Variants in TAB2 observed in about 807,000 individuals in gnomAD.
TAB2 encodes TGF-beta activated kinase 1 (MAP3K7) binding protein 2.
A neutral mutation model predicts 65.0 loss-of-function variants in TAB2; 3 were observed. That is an observed-to-expected ratio of 0.05 (90% CI 0.02 to 0.12). The LOEUF (loss-of-function observed/expected upper bound fraction) is 0.12, where lower values mean the gene tolerates loss of function less well. Ranked by LOEUF, TAB2 falls within the 10% of genes least tolerant of loss-of-function variation. The pLI is 1.00. For missense variants in TAB2, 623 were observed against 840.3 expected (o/e 0.74, Z 3.20); for synonymous variants, 298 against 285.1 (o/e 1.05, Z -0.46).
intron 1 of TAB2, among the ~76,000 whole-genome samples, chr6:149,324,727 G>A (rs935587382): frequency 6.6e-6 from 1 of 151,740 alleles, no homozygotes; most frequent in Non-Finnish European, 1.5e-5. Context: ...AGCAACTTTT[G>A]TTTAGTCAGA....
intron 1 of TAB2, among the ~76,000 whole-genome samples, chr6:149,335,859 T>G (rs1338108580): frequency 6.6e-6 from 1 of 152,068 alleles, no homozygotes; most frequent in African/African-American, 2.4e-5. Flanking sequence ...TTTTAGAGAT[T>G]TTATAGAGAT....
chr6:149,305,515 C>T (rs998769939), intron 1 of TAB2, among the ~76,000 whole-genome samples: 2 of 151,992 alleles, frequency 1.3e-5, no homozygotes, highest in African/African-American at 2.4e-5. Context: ...CTCAAATGTC[C>T]TGCCTGTTCT....
upstream of TAB2, chr6:149,317,587 A>AGAGC (rs1266150956): frequency 7.0e-6 from 1 of 143,392 alleles, no homozygotes; most frequent in Non-Finnish European, 1.5e-5. The surrounding 1 kb of genome is among the most constrained non-coding windows in gnomAD (Gnocchi z 4.7). Flanking sequence ...AGCCGCGGCG[A>AGAGC]GAGCGAGCGA....
At chr6:149,348,827 G>A (rs1239639188) in intron 1 of TAB2, among the ~76,000 whole-genome samples, 1 of 151,738 alleles carries the variant, frequency 6.6e-6, no homozygotes. Context: ...TTAGCCGGGG[G>A]TGGTGGCAGG....
chr6:149,381,187 G>A (rs1365995121), intron 3 of TAB2, among the ~76,000 whole-genome samples: 3 of 152,196 alleles, frequency 2.0e-5, no homozygotes, highest in Admixed American at 1.3e-4. Context: ...CATTTTAGGG[G>A]TACATGAGTG....
intron 1 of TAB2, among the ~76,000 whole-genome samples, chr6:149,259,389 A>C (rs1047821907): frequency 1.3e-5 from 2 of 151,374 alleles, no homozygotes; most frequent in African/African-American, 2.4e-5. Context: ...ACAATCTGGG[A>C]GAGGGCTCTG....
chr6:149,389,675 C>T (rs1263510014), intron 3 of TAB2, among the ~76,000 whole-genome samples: 4 of 145,394 alleles, frequency 2.8e-5, no homozygotes, highest in Non-Finnish European at 6.0e-5. Context: ...AGGTATAAAC[C>T]TTTCTAAGCC....
chr6:149,283,659 G>A (rs1051693050), intron 1 of TAB2, among the ~76,000 whole-genome samples: 8 of 152,086 alleles, frequency 5.3e-5, no homozygotes, highest in South Asian at 2.1e-4. Context: ...GCAGTGAGCC[G>A]AGATCACTCC....
At chr6:149,288,350 C>T (rs1778714507) in intron 1 of TAB2, among the ~76,000 whole-genome samples, 1 of 152,156 alleles carries the variant, frequency 6.6e-6, no homozygotes, top group Admixed American at 6.5e-5. Flanking sequence ...GGCCTCCTGC[C>T]CCATTGTAGA....
At chr6:149,239,332 G>A (rs1179158541) in intron 1 of TAB2, among the ~76,000 whole-genome samples, 1 of 152,082 alleles carries the variant, frequency 6.6e-6, no homozygotes, top group Non-Finnish European at 1.5e-5. Context: ...GAGATTATGT[G>A]GTGAGGTCAC....
At chr6:149,302,591 T>G (rs1778988694) in intron 1 of TAB2, among the ~76,000 whole-genome samples, 1 of 152,244 alleles carries the variant, frequency 6.6e-6, no homozygotes, top group Non-Finnish European at 1.5e-5. Flanking sequence ...TCATGGGAAT[T>G]GTAGACTCTT....
Position 149,410,420 on chromosome 6 carries a change from A to G in TAB2, c.*701A>G, listed in dbSNP as rs41288431. The stretch of plus-strand genomic sequence containing the variant: ...TTCTTGATTATTTTCTTATATTTCT[A>G]TATGTATAGTGTAATAGCCTTTTGT... On this transcript the variant is annotated 3_prime_UTR_variant, in exon 7 of 7. Coordinates refer to ENST00000637181, the MANE Select transcript of TAB2 (RefSeq NM_001292034.3). 2,087 of 152,876 alleles carry G rather than the reference A, an allele frequency of 0.014. 22 individuals carry two copies. The highest frequency in any genetic ancestry group is 0.023 in the Admixed American group (357 of 15,306). 9.5% of individuals were successfully genotyped at this position (152,876 alleles called of 1,614,324 possible). A position where few individuals can be genotyped will look rare whatever the true frequency, so the allele number is the denominator to read the frequency against.
intron 3 of TAB2, among the ~76,000 whole-genome samples, chr6:149,397,106 G>A (rs1038429358): frequency 6.6e-6 from 1 of 152,184 alleles, no homozygotes; most frequent in African/African-American, 2.4e-5. Context: ...CATTTAAAAA[G>A]TGGCATTTGT....
intron 1 of TAB2, among the ~76,000 whole-genome samples, chr6:149,283,348 A>G (rs1351266891): frequency 4.6e-5 from 7 of 152,232 alleles, no homozygotes; most frequent in Non-Finnish European, 1.0e-4. Context: ...CAGGAAGTCA[A>G]TTGATAATAC....
intron 1 of TAB2, among the ~76,000 whole-genome samples, chr6:149,265,916 GCT>G (rs1322640982): frequency 2.0e-5 from 3 of 152,202 alleles, no homozygotes; most frequent in African/African-American, 7.2e-5. Flanking sequence ...GTTCATCCCT[GCT>G]CTCGGCTTTT....
chr6:149,402,235 TGAA>T (rs941813964), intron 6 of TAB2, among the ~76,000 whole-genome samples: 6 of 150,926 alleles, frequency 4.0e-5, no homozygotes, highest in Admixed American at 1.3e-4. Context: ...GAAATGAAAA[TGAA>T]GACAACAGAT....
chr6:149,282,048 C>A (rs1778585898), intron 1 of TAB2, among the ~76,000 whole-genome samples: 1 of 152,070 alleles, frequency 6.6e-6, no homozygotes, highest in Admixed American at 6.5e-5. Context: ...TGCCTATAAT[C>A]CCAGCTACTC....
At chr6:149,306,215 G>C (rs1297676972) in intron 1 of TAB2, among the ~76,000 whole-genome samples, 1 of 151,934 alleles carries the variant, frequency 6.6e-6, no homozygotes, top group Non-Finnish European at 1.5e-5. Flanking sequence ...AGACCAGCCT[G>C]GCCAACACGG....
chr6:149,317,592 G>A (rs1308034662), upstream of TAB2: 1 of 153,248 alleles, frequency 6.5e-6, no homozygotes, highest in Middle Eastern at 3.1e-3. This position sits in a 1 kb window ranked among gnomAD's most constrained non-coding sequence, Gnocchi z 4.7. Flanking sequence ...CGGCGAGAGC[G>A]AGCGAGAGCT....
Sources: allele counts gnomAD v4.1 joint callset (sites outside exome capture counted in the v4.1 genomes callset), GRCh38; gene constraint gnomAD v4.1.1; non-coding constraint Gnocchi (gnomAD v3.1); transcripts MANE v1.5; gene names NCBI Gene and HGNC (gene_info 2026-07-23, HGNC 2026-07-21).